RPH3A: variants seen among roughly 807,000 people sequenced by gnomAD.
The protein encoded by RPH3A is rabphilin-3A.
Under a neutral mutation model 102.2 loss-of-function variants are expected in RPH3A, and 48 were observed. The ratio of observed to expected loss-of-function variants is 0.47; its 90% confidence interval spans 0.37 to 0.60. The LOEUF is 0.60. RPH3A is among the 20% of genes least tolerant of loss of function. The probability of loss-of-function intolerance (pLI) is 0.00; values close to 1 mark genes in which losing one functional copy is unlikely to be tolerated. For synonymous variants in RPH3A, 310 were observed against 324.3 expected (o/e 0.96, Z 0.47); for missense variants, 781 against 910.1 (o/e 0.86, Z 1.83).
chr12:112,823,764 G>A (rs933646492), intron 2 of RPH3A, among the ~76,000 whole-genome samples: 2 of 152,060 alleles, frequency 1.3e-5, no homozygotes, highest in Admixed American at 1.3e-4. Flanking sequence ...AGTGAGTGAT[G>A]GGAAAGTGGG....
chr12:112,646,519 A>C (rs1214565399), intron 1 of RPH3A, among the ~76,000 whole-genome samples: 1 of 152,192 alleles, frequency 6.6e-6, no homozygotes, highest in Non-Finnish European at 1.5e-5. Flanking sequence ...AAGGTGTGGC[A>C]GTTGGAGGCT....
At chr12:112,677,454 CTT>C (rs2040187377) in intron 1 of RPH3A, among the ~76,000 whole-genome samples, 1 of 133,898 alleles carries the variant, frequency 7.5e-6, no homozygotes, top group African/African-American at 3.0e-5. Context: ...TCCTTCCTTC[CTT>C]CCTTCCTTCC....
intron 2 of RPH3A, among the ~76,000 whole-genome samples, chr12:112,821,720 G>C (rs1332123582): frequency 6.6e-6 from 1 of 151,962 alleles, no homozygotes; most frequent in Non-Finnish European, 1.5e-5. Flanking sequence ...CATCACCTGT[G>C]GACACATTTA....
chr12:112,770,742 A>G (rs1445729311), intron 1 of RPH3A, among the ~76,000 whole-genome samples: 2 of 152,126 alleles, frequency 1.3e-5, no homozygotes, highest in East Asian at 3.8e-4. Context: ...TCTTTGTTCC[A>G]TCTTCATTCA....
At chr12:112,650,890 G>C (rs1157792531) in intron 1 of RPH3A, 1 of 151,816 alleles carries the variant, frequency 6.6e-6, no homozygotes, top group Non-Finnish European at 1.5e-5. Flanking sequence ...CATTACACCT[G>C]GCTAATTTTT....
chr12:112,617,744 G>C (rs1247294716), intron 1 of RPH3A: 2 of 152,144 alleles, frequency 1.3e-5, no homozygotes, highest in African/African-American at 4.8e-5. Flanking sequence ...CTGTTGCCCA[G>C]GCTGGACTGC....
chr12:112,652,260 G>A (rs2039979737), intron 1 of RPH3A, among the ~76,000 whole-genome samples: 1 of 152,124 alleles, frequency 6.6e-6, no homozygotes, highest in Non-Finnish European at 1.5e-5. Context: ...AGGATCACTT[G>A]AAGCCAGGAG....
chr12:112,714,854 A>C (rs2040503525), intron 1 of RPH3A, among the ~76,000 whole-genome samples: 1 of 152,176 alleles, frequency 6.6e-6, no homozygotes, highest in Non-Finnish European at 1.5e-5. Context: ...TCAACCATCC[A>C]CATATTCATT....
At chr12:112,612,559 C>A (rs951912722) in intron 1 of RPH3A, among the ~76,000 whole-genome samples, 2 of 109,728 alleles carry the variant, frequency 1.8e-5, no homozygotes, top group African/African-American at 7.5e-5. Context: ...GGAGTTTTGC[C>A]TTTTTTTTTT....
intron 2 of RPH3A, among the ~76,000 whole-genome samples, chr12:112,805,672 G>A (rs556854493): frequency 3.9e-5 from 6 of 152,290 alleles, no homozygotes; most frequent in South Asian, 4.1e-4. Flanking sequence ...GAGTTTGCTC[G>A]TTGACAGCCA....
At chr12:112,652,971 T>G (rs2039985715) in intron 1 of RPH3A, among the ~76,000 whole-genome samples, 1 of 152,200 alleles carries the variant, frequency 6.6e-6, no homozygotes, top group South Asian at 2.1e-4. Context: ...AGCCTATTGC[T>G]TCTCGGCTGC....
intron 1 of RPH3A, among the ~76,000 whole-genome samples, chr12:112,614,861 T>G (rs1168930246): frequency 6.6e-6 from 1 of 152,112 alleles, no homozygotes; most frequent in African/African-American, 2.4e-5. Flanking sequence ...CATGGCTCAC[T>G]GCAGTCTTGA....
intron 5 of RPH3A, among the ~76,000 whole-genome samples, chr12:112,849,032 C>A (rs2042278442): frequency 6.6e-6 from 1 of 152,146 alleles, no homozygotes; most frequent in African/African-American, 2.4e-5. Context: ...GCCCTTCTGC[C>A]AGGGGAAGCC....
At chr12:112,861,123 A>T (rs772102539) in intron 5 of RPH3A, among the ~76,000 whole-genome samples, 13 of 152,156 alleles carry the variant, frequency 8.5e-5, no homozygotes, top group Non-Finnish European at 1.9e-4. Flanking sequence ...CTCTCCCACC[A>T]TGCTGCCACA....
chr12:112,774,063 C>A (rs375526547), intron 1 of RPH3A, among the ~76,000 whole-genome samples: 1,296 of 107,868 alleles, frequency 0.012, no homozygotes, highest in Middle Eastern at 0.014. Flanking sequence ...CCAGCCTGGG[C>A]AAAAAAAAAA....
intron 2 of RPH3A, among the ~76,000 whole-genome samples, chr12:112,805,036 C>A (rs10850082): frequency 0.16 from 23,539 of 151,864 alleles, 2,423 homozygotes; most frequent in African/African-American, 0.29. Flanking sequence ...CTAGAAAAAA[C>A]AAACAAACAA....
intron 1 of RPH3A, among the ~76,000 whole-genome samples, chr12:112,752,968 C>A (rs199925386): frequency 8.4e-6 from 1 of 118,902 alleles, no homozygotes. Flanking sequence ...GTCCAGTTTT[C>A]TTTTTTTTTT....
At chr12:112,841,707 G>T (rs55742475) in intron 4 of RPH3A, among the ~76,000 whole-genome samples, 63,574 of 144,776 alleles carry the variant, frequency 0.44, 13,925 homozygotes, top group Admixed American at 0.53. Context: ...TGTTTTTTTG[G>T]TTTTTTTTTT....
At chr12:112,895,933 C>A (rs545259699) in intron 21 of RPH3A, 60 bp downstream of exon 21, 6 of 1,167,740 alleles carry the variant, frequency 5.1e-6, no homozygotes, top group Non-Finnish European at 2.6e-6. Context: ...ACAGGAGAGC[C>A]TTATCCAGGG....
Sources: allele counts gnomAD v4.1 joint callset (sites outside exome capture counted in the v4.1 genomes callset), GRCh38; gene constraint gnomAD v4.1.1; transcripts MANE v1.5; gene names NCBI Gene and HGNC (gene_info 2026-07-23, HGNC 2026-07-21).